The following GPC5 variants were observed in gnomAD, a reference collection of about 807,000 sequenced individuals.
The protein encoded by GPC5 is glypican-5.
In GPC5, 47 loss-of-function variants were observed where a neutral mutation model predicts 53.9. The observed-to-expected ratio is 0.87, with a 90% confidence interval of 0.69 to 1.11. The LOEUF is 1.11. Ranked by LOEUF, GPC5 falls within the 50% of genes most tolerant of loss-of-function variation. GPC5 has a pLI of 0.00. For synonymous variants in GPC5, 286 were observed against 263.3 expected (o/e 1.09, Z -0.84); for missense variants, 748 against 713.1 (o/e 1.05, Z -0.56).
At chr13:91,975,945 A>G (rs2139100004) in intron 6 of GPC5, among the ~76,000 whole-genome samples, 1 of 152,342 alleles carries the variant, frequency 6.6e-6, no homozygotes, top group East Asian at 1.9e-4. Context: ...GCAGCCATAA[A>G]AAATGATGAG....
intron 2 of GPC5, among the ~76,000 whole-genome samples, chr13:91,506,514 A>C (rs758269901): frequency 2.2e-4 from 33 of 152,152 alleles, no homozygotes; most frequent in Non-Finnish European, 3.8e-4. Context: ...ACAAAATTGC[A>C]TAAAATTCTG....
At chr13:92,459,014 G>A (rs370537701) in intron 7 of GPC5, among the ~76,000 whole-genome samples, 1 of 152,168 alleles carries the variant, frequency 6.6e-6, no homozygotes, top group African/African-American at 2.4e-5. Context: ...ATAGTTTAAT[G>A]TTCAGATATG....
chr13:92,261,575 G>C (rs1450630535), intron 7 of GPC5, among the ~76,000 whole-genome samples: 5 of 151,966 alleles, frequency 3.3e-5, no homozygotes, highest in African/African-American at 7.2e-5. Context: ...ATTTCTGCCA[G>C]CTTTAAAGAA....
intron 7 of GPC5, among the ~76,000 whole-genome samples, chr13:92,719,070 T>C (rs956320835): frequency 6.6e-6 from 1 of 151,754 alleles, no homozygotes; most frequent in Admixed American, 6.6e-5. Flanking sequence ...TAGGTACTCA[T>C]AAAAATTAAA....
chr13:91,790,753 T>A (rs1045788686), intron 5 of GPC5, among the ~76,000 whole-genome samples: 6 of 152,236 alleles, frequency 3.9e-5, no homozygotes, highest in Admixed American at 3.3e-4. Context: ...GAATAGCCTC[T>A]TTGTGGTAGC....
chr13:92,290,707 G>A (rs2042987688), intron 7 of GPC5, among the ~76,000 whole-genome samples: 1 of 152,132 alleles, frequency 6.6e-6, no homozygotes, highest in Non-Finnish European at 1.5e-5. Flanking sequence ...ATATATACAT[G>A]AGAGGTGACA....
At chr13:91,894,026 C>G (rs1226336300) in intron 5 of GPC5, among the ~76,000 whole-genome samples, 1 of 151,568 alleles carries the variant, frequency 6.6e-6, no homozygotes, top group South Asian at 2.1e-4. Context: ...TATTATTGCT[C>G]TGAGATCAAG....
rs371115353 is a variant in GPC5 at position 91,761,244 on chromosome 13, C to T, written c.1280+4824C>T. 1.2e-4 allele frequency among the ~76,000 whole-genome samples: 18 copies of T among 152,298 alleles called. No individual in the cohort carries two copies. The East Asian group carries it at 3.5e-3, about 29-fold the overall frequency. On this transcript the variant is annotated intron_variant, in intron 5 of 7. Transcript: ENST00000377067. Reference sequence around the variant, plus strand: ...CCAGGAATTAACTTCCACAGTGGCTCTTAAACCAGCCAGTATCTGTTAAGT... The same window carrying T: ...CCAGGAATTAACTTCCACAGTGGCTTTTAAACCAGCCAGTATCTGTTAAGT...
At chr13:92,711,976 C>A (rs562880244) in intron 7 of GPC5, among the ~76,000 whole-genome samples, 1 of 151,878 alleles carries the variant, frequency 6.6e-6, no homozygotes, top group South Asian at 2.1e-4. Context: ...AAATTCAAAT[C>A]TATAAGCTCC....
At chr13:92,558,398 CA>C (rs762199825) in intron 7 of GPC5, among the ~76,000 whole-genome samples, 3 of 151,782 alleles carry the variant, frequency 2.0e-5, no homozygotes, top group Non-Finnish European at 4.4e-5. Flanking sequence ...AATTTTTTTG[CA>C]AAAAGTTACA....
intron 7 of GPC5, among the ~76,000 whole-genome samples, chr13:92,153,643 G>C (rs1049594714): frequency 1.3e-5 from 2 of 152,144 alleles, no homozygotes; most frequent in African/African-American, 4.8e-5. Flanking sequence ...GCAGGGCAGT[G>C]CCACAAAACA....
chr13:91,812,905 T>C (rs2038336266), intron 5 of GPC5, among the ~76,000 whole-genome samples: 1 of 152,220 alleles, frequency 6.6e-6, no homozygotes, highest in Non-Finnish European at 1.5e-5. Flanking sequence ...GGTAAAAATG[T>C]CTTGACATCT....
At chr13:92,061,568 T>A (rs888325420) in intron 6 of GPC5, among the ~76,000 whole-genome samples, 3 of 152,076 alleles carry the variant, frequency 2.0e-5, no homozygotes, top group Non-Finnish European at 4.4e-5. Flanking sequence ...GTTTTAAAAG[T>A]TAATAATAAT....
intron 7 of GPC5, among the ~76,000 whole-genome samples, chr13:92,533,486 A>G (rs541894008): frequency 2.6e-5 from 4 of 152,340 alleles, no homozygotes; most frequent in Admixed American, 2.0e-4. Context: ...AAAGAAGCTA[A>G]CATATTATGC....
At chr13:92,237,881 C>A (rs1451245056) in intron 7 of GPC5, among the ~76,000 whole-genome samples, 1 of 152,000 alleles carries the variant, frequency 6.6e-6, no homozygotes, top group Non-Finnish European at 1.5e-5. Flanking sequence ...AATAGATCTG[C>A]CTATTCTGGA....
chr13:92,360,627 G>C (rs2043558163), intron 7 of GPC5, among the ~76,000 whole-genome samples: 1 of 151,472 alleles, frequency 6.6e-6, no homozygotes, highest in Admixed American at 6.6e-5. Flanking sequence ...GTCTTGATCA[G>C]AGCAATCAGG....
intron 5 of GPC5, among the ~76,000 whole-genome samples, chr13:91,816,042 T>C (rs2038394347): frequency 6.6e-6 from 1 of 152,136 alleles, no homozygotes; most frequent in African/African-American, 2.4e-5. Flanking sequence ...TAAATAATAT[T>C]ATAAAATTTA....
intron 7 of GPC5, among the ~76,000 whole-genome samples, chr13:92,389,037 A>C (rs1290743422): frequency 6.6e-6 from 1 of 152,224 alleles, no homozygotes; most frequent in East Asian, 1.9e-4. Context: ...AAGCAGCCAG[A>C]CACTGCACTT....
At chr13:91,408,183 T>A in intron 1 of GPC5, among the ~76,000 whole-genome samples, 1 of 152,144 alleles carries the variant, frequency 6.6e-6, no homozygotes, top group Non-Finnish European at 1.5e-5. Context: ...TAAATATGTG[T>A]CCCTTGATCA....
Sources: allele counts gnomAD v4.1 joint callset (sites outside exome capture counted in the v4.1 genomes callset), GRCh38; gene constraint gnomAD v4.1.1; transcripts MANE v1.5; gene names NCBI Gene and HGNC (gene_info 2026-07-23, HGNC 2026-07-21).